The following EGFLAM variants were observed in gnomAD, a reference collection of about 807,000 sequenced individuals.
EGFLAM encodes pikachurin.
A neutral mutation model predicts 113.1 loss-of-function variants in EGFLAM; 79 were observed. That is an observed-to-expected ratio of 0.70 (90% CI 0.58 to 0.84). The LOEUF (loss-of-function observed/expected upper bound fraction) is 0.84, where lower values mean the gene tolerates loss of function less well. EGFLAM is among the 40% of genes least tolerant of loss of function. The probability of loss-of-function intolerance (pLI) is 0.00; values close to 1 mark genes in which losing one functional copy is unlikely to be tolerated. For missense variants in EGFLAM, 1,265 were observed against 1,291.6 expected (o/e 0.98, Z 0.32); for synonymous variants, 504 against 487.6 (o/e 1.03, Z -0.44).
rs368848352 is a variant in EGFLAM at position 38,451,342 on chromosome 5, C to T, written c.2571C>T (p.Phe857=). The part of the protein sequence containing the change: ...KRVSGSRSNV[F]MRFKTTAKDG... ...TGTCAGGATCAAGATCAAATGTGTT[C>T]ATGAGGTTTAAAACAACTGCCAAGG... Residue 857 remains phenylalanine (F), a synonymous_variant, in exon 19 of 22, where the codon TTC becomes TTT. Coordinates refer to ENST00000322350, the MANE Select transcript of EGFLAM (RefSeq NM_152403.4). The T allele has an allele frequency of 6.2e-7, 1 of 1,614,066 alleles. No homozygotes were observed. The highest frequency in any genetic ancestry group is 8.5e-7 in the Non-Finnish European group (1 of 1,180,008).
chr5:38,286,929 C>T (rs1412302666), intron 1 of EGFLAM, among the ~76,000 whole-genome samples: 1 of 152,162 alleles, frequency 6.6e-6, no homozygotes, highest in Non-Finnish European at 1.5e-5. Context: ...CAGAGCCTAC[C>T]ACAGGGCCCT....
rs2112145825 is a variant in EGFLAM, at chr5:38,412,602, G to T, written c.1448G>T (p.Gly483Val). The T allele has an allele frequency of 6.2e-7, 1 of 1,614,140 alleles. No homozygotes were observed. The highest frequency in any genetic ancestry group is 2.2e-5 in the East Asian group (1 of 44,872). ...ATGCTCTACAGAGATGGGCTGAACG[G>T]GCTGCTGCAGCTGAACAATGGCACC... Reference protein sequence around the residue: ...TVMLYRDGLNGLLQLNNGTPV... With the variant: ...TVMLYRDGLNVLLQLNNGTPV... Residue 483 changes from glycine to valine, a missense_variant, in exon 11 of 22, where the codon GGG (glycine) becomes GTG (valine). Transcript: ENST00000322350.
intron 1 of EGFLAM, among the ~76,000 whole-genome samples, chr5:38,309,170 A>G (rs889174291): frequency 9.9e-5 from 15 of 152,230 alleles, no homozygotes; most frequent in African/African-American, 3.4e-4. Flanking sequence ...AGTTATTTAC[A>G]TCTACTATTT....
chr5:38,342,021 C>G (rs549125319), intron 3 of EGFLAM, among the ~76,000 whole-genome samples: 2 of 152,198 alleles, frequency 1.3e-5, no homozygotes, highest in South Asian at 4.2e-4. Flanking sequence ...AGTTAAACCC[C>G]TGTCCCAATC....
chr5:38,320,630 G>A (rs1738714393), intron 1 of EGFLAM, among the ~76,000 whole-genome samples: 1 of 152,130 alleles, frequency 6.6e-6, no homozygotes, highest in Non-Finnish European at 1.5e-5. Context: ...TTACGTGTGT[G>A]TGTGTATATG....
In EGFLAM at chr5:38,415,319, C is replaced by T. The variant is rs140474664; in HGVS notation, c.1494+2671C>T. On this transcript the variant is annotated intron_variant, in intron 11 of 21. Coordinates refer to ENST00000322350, the MANE Select transcript of EGFLAM (RefSeq NM_152403.4). Reference sequence around the variant, plus strand: ...CAGAGGTTGCAGTGAGCTTAGATTGCGCTACTGCACTCCATCCTGGGCTGC... The same window carrying T: ...CAGAGGTTGCAGTGAGCTTAGATTGTGCTACTGCACTCCATCCTGGGCTGC... Among the ~76,000 whole-genome samples, 284 of 149,274 alleles carry T rather than the reference C, an allele frequency of 1.9e-3. 3 individuals carry two copies. The highest frequency in any genetic ancestry group is 6.3e-3 in the African/African-American group (255 of 40,388).
At chr5:38,371,429 A>G (rs1680112707) in intron 6 of EGFLAM, among the ~76,000 whole-genome samples, 1 of 152,152 alleles carries the variant, frequency 6.6e-6, no homozygotes, top group Non-Finnish European at 1.5e-5. Flanking sequence ...CAAAGCACCC[A>G]CACAGCTGAC....
intron 6 of EGFLAM, among the ~76,000 whole-genome samples, chr5:38,397,352 A>G (rs1740988147): frequency 1.3e-5 from 2 of 152,202 alleles, no homozygotes; most frequent in African/African-American, 4.8e-5. Flanking sequence ...GCTGGTGTTG[A>G]GCAGGCCTTC....
At chr5:38,264,633 A>G (rs2006889) in intron 1 of EGFLAM, among the ~76,000 whole-genome samples, 81,605 of 151,870 alleles carry the variant, frequency 0.54, 22,479 homozygotes, top group Middle Eastern at 0.64. Context: ...TTAGTTCCTC[A>G]CTTATAGCTC....
intron 6 of EGFLAM, among the ~76,000 whole-genome samples, chr5:38,386,445 G>A (rs1740664984): frequency 6.6e-6 from 1 of 152,156 alleles, no homozygotes; most frequent in Admixed American, 6.5e-5. Context: ...CACCCGCTTT[G>A]ACCTCACAAA....
intron 1 of EGFLAM, among the ~76,000 whole-genome samples, chr5:38,284,619 C>T (rs1049247194): frequency 6.6e-6 from 1 of 152,182 alleles, no homozygotes; most frequent in African/African-American, 2.4e-5. Flanking sequence ...CTATGGTCTC[C>T]TCATTCATCA....
intron 1 of EGFLAM, among the ~76,000 whole-genome samples, chr5:38,301,850 G>C (rs1206331093): frequency 6.6e-6 from 1 of 152,148 alleles, no homozygotes; most frequent in Non-Finnish European, 1.5e-5. Context: ...CTTATTGCCA[G>C]GCAAGTTTGT....
chr5:38,428,639 G>C (rs746173196), intron 14 of EGFLAM, among the ~76,000 whole-genome samples: 5 of 152,192 alleles, frequency 3.3e-5, no homozygotes, highest in Non-Finnish European at 7.3e-5. Flanking sequence ...ATCCAGGAGA[G>C]GTTCTGGGCT....
Position 38,338,752 on chromosome 5 carries a change from G to C in EGFLAM, c.262G>C (p.Val88Leu). Residue 88 changes from valine to leucine, a missense_variant, in exon 3 of 22, where the codon GTG becomes CTG. Transcript: ENST00000322350. ...DKSLQEQLHS[V>L]PLSRDIPTTE... is the part of the protein sequence containing the mutation. ...ATCCCTGCAGGAGCAGTTGCACAGCGTGCCTCTCAGCCGGGACATCCCGAC... is the reference window on the plus strand; with the variant it reads ...ATCCCTGCAGGAGCAGTTGCACAGCCTGCCTCTCAGCCGGGACATCCCGAC... The C allele has an allele frequency of 6.2e-7, 1 of 1,614,208 alleles. No individual in the cohort carries two copies. Among genetic ancestry groups the C allele is most frequent in the Admixed American group, 1.7e-5 (1 of 60,024 alleles).
intron 1 of EGFLAM, among the ~76,000 whole-genome samples, chr5:38,279,759 C>T (rs1757970534): frequency 2.0e-5 from 3 of 152,086 alleles, no homozygotes; most frequent in South Asian, 4.2e-4. Flanking sequence ...CTAAAGGATA[C>T]GTAACTACAA....
chr5:38,378,439 G>A (rs1478582489), intron 6 of EGFLAM, among the ~76,000 whole-genome samples: 2 of 152,174 alleles, frequency 1.3e-5, no homozygotes, highest in Non-Finnish European at 2.9e-5. Context: ...GTTCGCAAGT[G>A]AGGACTCTTC....
At chr5:38,325,393 G>C (rs1373189845) in intron 1 of EGFLAM, among the ~76,000 whole-genome samples, 2 of 152,168 alleles carry the variant, frequency 1.3e-5, no homozygotes, top group African/African-American at 2.4e-5. Context: ...TTGTAAATTG[G>C]GGAGAAGAGT....
At position 38,403,673 on chromosome 5, in the gene EGFLAM, AT is replaced by A. The variant is rs1268376038; in HGVS notation, c.713-2452del. 4 of 1,188,778 alleles carry A rather than the reference AT, an allele frequency of 3.4e-6. No individual in the cohort carries two copies. The African/African-American group carries it at 4.6e-5, about 14-fold the overall frequency. 73.6% of individuals were successfully genotyped at this position (1,188,778 alleles called of 1,614,324 possible). A position where few individuals can be genotyped will look rare whatever the true frequency, so the allele number is the denominator to read the frequency against. ...TATTTCATCGTGCTACTCAGAACTTATGAATTGTTTATTTCTGGAATTTCCC... is the reference window on the plus strand; with the variant it reads ...TATTTCATCGTGCTACTCAGAACTTAGAATTGTTTATTTCTGGAATTTCCC... On this transcript the variant is annotated intron_variant, in intron 6 of 21. Transcript: ENST00000322350.
Position 38,406,152 on chromosome 5 carries a change from T to C in EGFLAM, c.739T>C (p.Tyr247His). The C allele has an allele frequency of 6.2e-7, 1 of 1,614,142 alleles. No individual in the cohort carries two copies. Among genetic ancestry groups the C allele is most frequent in the Non-Finnish European group, 8.5e-7 (1 of 1,180,010 alleles). The stretch of plus-strand genomic sequence containing the variant: ...CCCTGAGGAGGCGGGAAGTGGCCGC[T>C]ATGGACCCCGTTATATCACCGACAT... ...LCPEEAGSGR[Y>H]GPRYITDMGA... is the part of the protein sequence containing the mutation. The change falls in exon 7 of 22, where the codon TAT (tyrosine) becomes CAT (histidine). Residue 247 changes from tyrosine to histidine, a missense_variant. Transcript: ENST00000322350.
Sources: gnomAD v4.1 joint callset for allele counts (sites outside exome capture counted in the v4.1 genomes callset) on GRCh38, gnomAD v4.1.1 for gene constraint, MANE v1.5 for transcripts, NCBI Gene and HGNC (gene_info 2026-07-23, HGNC 2026-07-21) for gene names.